The following SPPL2A variants were observed in gnomAD, a reference collection of about 807,000 sequenced individuals.
SPPL2A encodes the protein signal peptide peptidase-like 2A.
SPPL2A carries 51 observed loss-of-function variants against 63.8 expected under a neutral mutation model. That is an observed-to-expected ratio of 0.80 (90% confidence interval 0.64 to 1.01). SPPL2A has a LOEUF of 1.01. Ranked by LOEUF, SPPL2A falls within the 50% of genes least tolerant of loss-of-function variation. SPPL2A has a pLI of 0.00. For missense variants in SPPL2A, 553 were observed against 622.7 expected (o/e 0.89, Z 1.19); for synonymous variants, 188 against 205.8 (o/e 0.91, Z 0.74).
At chr15:50,726,026 G>T (rs1037380491) in intron 11 of SPPL2A, 8 of 1,216,970 alleles carry the variant, frequency 6.6e-6, no homozygotes, top group South Asian at 1.3e-5. Flanking sequence ...TTGTCTCAGA[G>T]GGTATGATTT....
chr15:50,757,089 C>CTTTTTTTTTTTTTTTTTTTTTTT lies in SPPL2A; in HGVS notation c.67-7344_67-7343insAAAAAAAAAAAAAAAAAAAAAAA, dbSNP rs57100103. On this transcript the variant is annotated intron_variant, in intron 1 of 14. Transcript: ENST00000261854. ...GTTCCTCCCACATCCTAAATCCTTTCTTTTTTTTTTTGAGACAGAGTCTCA... is the reference window on the plus strand; with the variant it reads ...GTTCCTCCCACATCCTAAATCCTTTCTTTTTTTTTTTTTTTTTTTTTTTTTTTTTTTTTTGAGACAGAGTCTCA... 2.3e-5 allele frequency among the ~76,000 whole-genome samples: 3 copies of CTTTTTTTTTTTTTTTTTTTTTTT among 128,382 alleles called. 1 individual carries two copies. The highest frequency in any genetic ancestry group is 4.9e-4 in the South Asian group (2 of 4,086). The allele number at this position is 128,382 out of a possible 152,430, so 84.2% of individuals were successfully genotyped here.
chr15:50,736,317 A>G, intron 7 of SPPL2A, 115 bp from the exon 8 acceptor site: 1 of 669,978 alleles, frequency 1.5e-6, no homozygotes, highest in Non-Finnish European at 2.6e-6. Flanking sequence ...TCAATTTTGA[A>G]AGTCTTGATT....
At chr15:50,725,691 A>G (rs765848953) in intron 11 of SPPL2A, among the ~76,000 whole-genome samples, 3 of 152,164 alleles carry the variant, frequency 2.0e-5, no homozygotes, top group Non-Finnish European at 4.4e-5. Flanking sequence ...TCAGCCTCCC[A>G]AAGTGCTGGT....
intron 14 of SPPL2A, among the ~76,000 whole-genome samples, chr15:50,712,676 C>G (rs867947766): frequency 5.2e-5 from 7 of 134,902 alleles, no homozygotes; most frequent in South Asian, 2.8e-4. Context: ...TCCCTCCCCC[C>G]CCCTTTTTTT....
intron 14 of SPPL2A, among the ~76,000 whole-genome samples, 173 bp from the exon 15 acceptor site, chr15:50,708,047 G>A (rs999222996): frequency 3.3e-5 from 5 of 152,174 alleles, no homozygotes; most frequent in African/African-American, 1.2e-4. Flanking sequence ...AGATAGTCAG[G>A]GTGACACTGA....
At position 50,765,316 on chromosome 15, in the gene SPPL2A, G is replaced by T. The variant is rs190082869; in HGVS notation, c.66+152C>A. The T allele has an allele frequency of 7.6e-5, 40 of 527,530 alleles. No individual in the cohort carries two copies. In the East Asian group the frequency reaches 1.2e-3, roughly 15 times the overall value. 32.7% of individuals were successfully genotyped at this position (527,530 alleles called of 1,614,324 possible). ...GGTGGAAGGAAAGAGATGAGTAATG[G>T]AAAGAGGAGGGGAGGAAAGAGGAGT... is the stretch of plus-strand genomic sequence containing the variant. On this transcript the variant is annotated intron_variant, in intron 1 of 14. Transcript: ENST00000261854.
chr15:50,725,721 G>A (rs1379734938), intron 11 of SPPL2A, among the ~76,000 whole-genome samples: 7 of 152,114 alleles, frequency 4.6e-5, no homozygotes, highest in Non-Finnish European at 7.3e-5. Context: ...ATGAGCCACC[G>A]TGCCTGGCCA....
At chr15:50,764,126 G>A (rs1384643672) in intron 1 of SPPL2A, among the ~76,000 whole-genome samples, 1 of 152,180 alleles carries the variant, frequency 6.6e-6, no homozygotes, top group African/African-American at 2.4e-5. Context: ...TTTATGTTGA[G>A]AAGGGATTAG....
chr15:50,719,939 C>A lies in SPPL2A; in HGVS notation c.1488+1G>T. ...TTGGTAACCAAAGTATAAGCACATA[C>A]CTGATAGCTGTTACCTTTCCAGAAC... On this transcript the variant is annotated splice_donor_variant, in intron 14 of 14. Coordinates refer to ENST00000261854, the MANE Select transcript of SPPL2A (RefSeq NM_032802.4). LOFTEE classifies it high-confidence loss of function. 1 of 1,608,086 alleles carries A rather than the reference C, an allele frequency of 6.2e-7. No individual in the cohort carries two copies. Among genetic ancestry groups the A allele is most frequent in the Non-Finnish European group, 8.5e-7 (1 of 1,177,464 alleles).
intron 14 of SPPL2A, among the ~76,000 whole-genome samples, chr15:50,715,124 C>T (rs1289415789): frequency 6.6e-6 from 1 of 152,008 alleles, no homozygotes; most frequent in African/African-American, 2.4e-5. Context: ...TCCTGAGTAG[C>T]TGGGGATTAC....
intron 11 of SPPL2A, chr15:50,725,899 T>C (rs2062683628): frequency 3.1e-6 from 1 of 324,458 alleles, no homozygotes; most frequent in Non-Finnish European, 6.0e-6. Context: ...TATCCCCACA[T>C]TTAACCTTTT....
At chr15:50,758,609 T>G (rs915763362) in intron 1 of SPPL2A, among the ~76,000 whole-genome samples, 1 of 152,052 alleles carries the variant, frequency 6.6e-6, no homozygotes, top group African/African-American at 2.4e-5. Flanking sequence ...ATTATAGGCG[T>G]GAGCCATCAT....
chr15:50,748,203 C>A lies in SPPL2A; in HGVS notation c.361-1G>T. The A allele has an allele frequency of 1.5e-6, 2 of 1,375,348 alleles. No homozygotes were observed. Among genetic ancestry groups the A allele is most frequent in the Admixed American group, 2.5e-5 (1 of 39,722 alleles). 85.2% of individuals were successfully genotyped at this position (1,375,348 alleles called of 1,614,324 possible). A position where few individuals can be genotyped will look rare whatever the true frequency, so the allele number is the denominator to read the frequency against. On this transcript the variant is annotated splice_acceptor_variant, in intron 3 of 14. Transcript: ENST00000261854. LOFTEE classifies it high-confidence loss of function. ...CAGATCTGTTACCTGAGGGAGGAAACTAAAAAAGAAAAAATTATGAAAACT... is the reference window on the plus strand; with the variant it reads ...CAGATCTGTTACCTGAGGGAGGAAAATAAAAAAGAAAAAATTATGAAAACT...
At chr15:50,721,927 T>C (rs770455870) in intron 13 of SPPL2A, among the ~76,000 whole-genome samples, 197 bp downstream of exon 13, 6 of 152,016 alleles carry the variant, frequency 3.9e-5, no homozygotes, top group Non-Finnish European at 8.8e-5. Flanking sequence ...TTTTTAGAGA[T>C]GGGGTCTCAC....
At chr15:50,742,203 A>G (rs1016152945) in intron 5 of SPPL2A, among the ~76,000 whole-genome samples, 3 of 152,118 alleles carry the variant, frequency 2.0e-5, no homozygotes, top group African/African-American at 4.8e-5. Context: ...TGAGGTCAGA[A>G]GCTCAAGACC....
intron 1 of SPPL2A, among the ~76,000 whole-genome samples, chr15:50,754,308 G>A (rs1567166727): frequency 6.6e-6 from 1 of 152,070 alleles, no homozygotes; most frequent in African/African-American, 2.4e-5. Flanking sequence ...TTACATTAGG[G>A]TTCATTCTTG....
intron 1 of SPPL2A, among the ~76,000 whole-genome samples, chr15:50,753,601 T>C (rs1347331610): frequency 6.6e-6 from 1 of 152,220 alleles, no homozygotes; most frequent in East Asian, 1.9e-4. Flanking sequence ...CTCACAGTTA[T>C]GATAAGGATT....
At chr15:50,736,461 A>G (rs565736901) in intron 7 of SPPL2A, among the ~76,000 whole-genome samples, 183 bp downstream of exon 7, 7 of 152,242 alleles carry the variant, frequency 4.6e-5, no homozygotes, top group Admixed American at 1.3e-4. Flanking sequence ...AGCACTTGAA[A>G]TGTGGCTAAT....
At position 50,706,407 on chromosome 15, in the gene SPPL2A, A is replaced by AAG; in HGVS notation, c.*1392_*1393insCT. The AAG allele has an allele frequency of 6.7e-6, 1 of 150,212 alleles. No homozygotes were observed. Among genetic ancestry groups the AAG allele is most frequent in the Admixed American group, 6.6e-5 (1 of 15,078 alleles). The allele number at this position is 150,212 out of a possible 1,614,324, so 9.3% of individuals were successfully genotyped here. A position where few individuals can be genotyped will look rare whatever the true frequency, so the allele number is the denominator to read the frequency against. On this transcript the variant is annotated 3_prime_UTR_variant, in exon 15 of 15. Coordinates refer to ENST00000261854, the MANE Select transcript of SPPL2A (RefSeq NM_032802.4). ...TCCGTCTCAAAAAAAAAAAAAAAAA[A>AAG]AAAAAGAAAACTGAGATACAAGGTC...
Sources: gnomAD v4.1 joint callset for allele counts (sites outside exome capture counted in the v4.1 genomes callset) on GRCh38, gnomAD v4.1.1 for gene constraint, MANE v1.5 for transcripts, NCBI Gene and HGNC (gene_info 2026-07-23, HGNC 2026-07-21) for gene names.